Variants in PSD3 observed in about 807,000 individuals in gnomAD.
The protein encoded by PSD3 is PH and SEC7 domain-containing protein 3.
A neutral mutation model predicts 105.5 loss-of-function variants in PSD3; 49 were observed. That is an observed-to-expected ratio of 0.46 (90% confidence interval 0.37 to 0.59). PSD3 has a LOEUF of 0.59. Among genes scored for constraint, PSD3 ranks in the 20% least tolerant of loss-of-function variants. The probability of loss-of-function intolerance (pLI) is 0.00; values close to 1 mark genes in which losing one functional copy is unlikely to be tolerated. For missense variants in PSD3, 1,561 were observed against 1,263.8 expected, an observed-to-expected ratio of 1.24 and a Z score of -3.57; for synonymous variants, 557 against 457.8, an observed-to-expected ratio of 1.22 and a Z score of -2.77.
chr8:18,539,482 G>C (rs1370699831), intron 15 of PSD3, among the ~76,000 whole-genome samples: 2 of 150,950 alleles, frequency 1.3e-5, no homozygotes, highest in Non-Finnish European at 2.9e-5. Context: ...TGAAATTTAA[G>C]TTTTAAATGA....
intron 1 of PSD3, among the ~76,000 whole-genome samples, chr8:19,043,248 A>T (rs551850881): frequency 1.4e-4 from 22 of 152,204 alleles, no homozygotes; most frequent in Non-Finnish European, 2.8e-4. Flanking sequence ...GTACATGCAG[A>T]ATGACTCCAT....
chr8:18,922,681 G>A (rs897261284), intron 2 of PSD3, among the ~76,000 whole-genome samples: 1 of 152,098 alleles, frequency 6.6e-6, no homozygotes, highest in African/African-American at 2.4e-5. Context: ...CCCATCTAAA[G>A]CCGTAGGTTG....
At chr8:18,783,938 A>G (rs758169440) in intron 8 of PSD3, among the ~76,000 whole-genome samples, 1 of 151,934 alleles carries the variant, frequency 6.6e-6, no homozygotes, top group Non-Finnish European at 1.5e-5. Flanking sequence ...ACATATTTTT[A>G]TTTTCATCAC....
chr8:18,640,746 A>G (rs1167570935), intron 10 of PSD3, among the ~76,000 whole-genome samples: 1 of 152,192 alleles, frequency 6.6e-6, no homozygotes, highest in Non-Finnish European at 1.5e-5. Context: ...GGAAGATGGC[A>G]GAAGAAAGCC....
intron 10 of PSD3, among the ~76,000 whole-genome samples, chr8:18,653,203 A>G (rs1808644019): frequency 6.6e-6 from 1 of 152,134 alleles, no homozygotes; most frequent in Non-Finnish European, 1.5e-5. Flanking sequence ...ACAGAATATT[A>G]GAACTAGAAA....
chr8:18,561,430 CAT>C (rs1563323203), intron 14 of PSD3, among the ~76,000 whole-genome samples: 1 of 152,062 alleles, frequency 6.6e-6, no homozygotes, highest in Non-Finnish European at 1.5e-5. Context: ...CAATTGAACT[CAT>C]AGAAATAAGG....
In PSD3 at chr8:18,871,985, T is replaced by C. The variant is rs771404694; in HGVS notation, c.879A>G (p.Pro293=). The C allele has an allele frequency of 1.9e-6, 3 of 1,614,158 alleles. No individual in the cohort carries two copies. Among genetic ancestry groups the C allele is most frequent in the Admixed American group, 3.3e-5 (2 of 60,026 alleles). Residue 293 remains proline (P), a synonymous_variant, in exon 3 of 16, where the codon CCA becomes CCG. Transcript: ENST00000327040. The part of the protein sequence containing the change: ...GCDRSSSMGR[P]GRVKHVEFQG... Reference sequence around the variant, plus strand: ...GAAATTCCACATGTTTGACCCGGCCTGGGCGTCCCATGGAGCTGCTTCGAT... The same window carrying C: ...GAAATTCCACATGTTTGACCCGGCCCGGGCGTCCCATGGAGCTGCTTCGAT...
intron 9 of PSD3, among the ~76,000 whole-genome samples, chr8:18,659,073 A>G (rs980254319): frequency 6.6e-6 from 1 of 152,150 alleles, no homozygotes. Context: ...GCTAGGAGAA[A>G]GTTCTATGAC....
intron 12 of PSD3, among the ~76,000 whole-genome samples, chr8:18,587,055 T>C (rs1220547972): frequency 6.6e-6 from 1 of 152,116 alleles, no homozygotes; most frequent in Non-Finnish European, 1.5e-5. Flanking sequence ...GGCTTTTTTC[T>C]CCTCTCCTCA....
At chr8:18,833,102 G>A (rs1354589247) in intron 4 of PSD3, among the ~76,000 whole-genome samples, 2 of 152,180 alleles carry the variant, frequency 1.3e-5, no homozygotes, top group East Asian at 1.9e-4. Flanking sequence ...TACTTTAAAG[G>A]AGCAATGCAA....
chr8:18,949,945 G>A (rs143523001), intron 1 of PSD3, among the ~76,000 whole-genome samples: 103 of 152,160 alleles, frequency 6.8e-4, no homozygotes, highest in African/African-American at 2.4e-3. Flanking sequence ...TAATACTCCT[G>A]TCAATTACCA....
chr8:18,716,027 A>G (rs1361217238), intron 9 of PSD3, among the ~76,000 whole-genome samples: 1 of 152,198 alleles, frequency 6.6e-6, no homozygotes, highest in African/African-American at 2.4e-5. Context: ...AAAGTAGGGT[A>G]AGAGGACAGA....
chr8:19,003,251 G>T (rs375128406), intron 1 of PSD3, among the ~76,000 whole-genome samples: 1 of 151,986 alleles, frequency 6.6e-6, no homozygotes, highest in South Asian at 2.1e-4. Context: ...CACCCCTGTA[G>T]TTCCAGCTAT....
At chr8:18,911,616 A>C (rs1404610141) in intron 2 of PSD3, among the ~76,000 whole-genome samples, 2 of 152,232 alleles carry the variant, frequency 1.3e-5, no homozygotes, top group African/African-American at 4.8e-5. Context: ...TCTGTTGCAT[A>C]ATAATGATGT....
intron 9 of PSD3, among the ~76,000 whole-genome samples, chr8:18,764,507 C>T (rs917517213): frequency 1.3e-5 from 2 of 152,018 alleles, no homozygotes; most frequent in African/African-American, 2.4e-5. Flanking sequence ...CTAAGAATGT[C>T]GTAATACCAC....
chr8:18,646,853 G>C (rs1285551155), intron 10 of PSD3, among the ~76,000 whole-genome samples: 2 of 152,072 alleles, frequency 1.3e-5, no homozygotes, highest in Non-Finnish European at 1.5e-5. Flanking sequence ...AAGTAAAAGA[G>C]CCCTAGAAGG....
At chr8:18,914,491 G>C (rs976985291) in intron 2 of PSD3, among the ~76,000 whole-genome samples, 2 of 152,192 alleles carry the variant, frequency 1.3e-5, no homozygotes, top group African/African-American at 2.4e-5. Flanking sequence ...CAAAAAAAAT[G>C]TTAAAACTAA....
chr8:18,814,331 C>A (rs1223542724), intron 4 of PSD3, among the ~76,000 whole-genome samples: 1 of 152,194 alleles, frequency 6.6e-6, no homozygotes, highest in Non-Finnish European at 1.5e-5. Context: ...CACCCACATG[C>A]AAGGCAGTGC....
chr8:18,599,366 C>A (rs904255559), intron 12 of PSD3, among the ~76,000 whole-genome samples: 1 of 152,098 alleles, frequency 6.6e-6, no homozygotes, highest in African/African-American at 2.4e-5. Context: ...AAAACAGAAC[C>A]ATATGACCCC....
Sources: gnomAD v4.1 joint callset for allele counts (sites outside exome capture counted in the v4.1 genomes callset) on GRCh38, gnomAD v4.1.1 for gene constraint, MANE v1.5 for transcripts, NCBI Gene and HGNC (gene_info 2026-07-23, HGNC 2026-07-21) for gene names.